The following XKRX variants were observed in gnomAD, a reference collection of about 807,000 sequenced individuals.
XKRX encodes the protein XK related X-linked.
XKRX carries 11 observed loss-of-function variants against 22.4 expected under a neutral mutation model. The ratio of observed to expected loss-of-function variants is 0.49; its 90% CI spans 0.31 to 0.81. The LOEUF (loss-of-function observed/expected upper bound fraction) is 0.81, where lower values mean the gene tolerates loss of function less well. Among genes scored for constraint, XKRX ranks in the 40% least tolerant of loss-of-function variants. XKRX has a pLI of 0.05. For synonymous variants in XKRX, 114 were observed against 132.2 expected (o/e 0.86, Z 0.94); for missense variants, 320 against 336.5 (o/e 0.95, Z 0.38).
chrX:100,929,779 G>C (rs1301332410), upstream of XKRX, among the ~76,000 whole-genome samples: 1 of 111,690 alleles, frequency 9.0e-6, no homozygotes, highest in Non-Finnish European at 1.9e-5. Flanking sequence ...GTCTTTGGTT[G>C]AAAGGTTATG....
intron 1 of XKRX, among the ~76,000 whole-genome samples, chrX:100,924,384 T>C (rs903948017): frequency 8.9e-6 from 1 of 111,807 alleles, no homozygotes; most frequent in African/African-American, 3.2e-5. Context: ...CCTTTTAAAC[T>C]GGATTCTTTC....
In XKRX at chrX:100,914,172, A is replaced by G. The variant is rs767757889; in HGVS notation, c.*166T>C. The G allele has an allele frequency of 1.7e-6, 1 of 592,533 alleles. No homozygotes were observed. The highest frequency in any genetic ancestry group is 2.3e-5 in the African/African-American group (1 of 44,221). The allele number at this position is 592,533 out of a possible 1,213,427, so 48.8% of individuals were successfully genotyped here. On this transcript the variant is annotated 3_prime_UTR_variant, in exon 3 of 3. Transcript: ENST00000372956. ...TTTCCAAACATAGTGGTAACTCTTA[A>G]GAAAATAAAACCTATTTGGGAGTTG...
chrX:100,887,929 TGAC>T, the XKRX span: 38 of 1,121,993 alleles, frequency 3.4e-5, no homozygotes, highest in Non-Finnish European at 4.4e-5. Context: ...CCACGACCAC[TGAC>T]GTTTCCTCCA....
chrX:100,942,703 C>A, the XKRX span, among the ~76,000 whole-genome samples: 1 of 111,643 alleles, frequency 9.0e-6, no homozygotes, highest in African/African-American at 3.3e-5. Context: ...CTGGGTTTAT[C>A]TCTGTGTCCA....
chrX:100,926,241 G>A (rs753582247), intron 1 of XKRX, among the ~76,000 whole-genome samples: 2 of 111,654 alleles, frequency 1.8e-5, no homozygotes, highest in Non-Finnish European at 1.9e-5. Context: ...TACAGATGAG[G>A]GAACTCTATA....
At chrX:100,887,732 T>G in the XKRX span, 1 of 722,787 alleles carries the variant, frequency 1.4e-6, no homozygotes, top group Non-Finnish European at 2.2e-6. Context: ...TCCGCCACCA[T>G]AGGGGCCAGA....
At chrX:100,891,164 A>G in the XKRX span, among the ~76,000 whole-genome samples, 2 of 111,601 alleles carry the variant, frequency 1.8e-5, no homozygotes, top group African/African-American at 6.5e-5. Context: ...TATGCTCATC[A>G]CTATTTAAAA....
intron 2 of XKRX, among the ~76,000 whole-genome samples, chrX:100,917,678 G>GAAAGAAAGAAAGAAAGA (rs2085449092): frequency 8.6e-5 from 6 of 69,576 alleles, no homozygotes; most frequent in African/African-American, 3.6e-4. Context: ...AGAAAGAAAA[G>GAAAGAAAGAAAGAAAGA]AAAGAAAGAA....
At chrX:100,888,591 C>T in the XKRX span, 1,213 of 464,306 alleles carry the variant, frequency 2.6e-3, 14 homozygotes, top group African/African-American at 0.026. Flanking sequence ...GACTTAGACA[C>T]GACGGAAGGG....
chrX:100,928,762 C>G lies in XKRX; in HGVS notation c.-458G>C. The G allele has an allele frequency of 1.3e-6, 1 of 760,308 alleles. No individual in the cohort carries two copies. The highest frequency in any genetic ancestry group is 1.6e-6 in the Non-Finnish European group (1 of 643,629). 62.7% of individuals were successfully genotyped at this position (760,308 alleles called of 1,213,427 possible). ...TCACAAAGAGTCCTGACCAGTGTGTCCTCTCAAGTCAGCGGAGAGCTGAGC... is the reference window on the plus strand; with the variant it reads ...TCACAAAGAGTCCTGACCAGTGTGTGCTCTCAAGTCAGCGGAGAGCTGAGC... On this transcript the variant is annotated 5_prime_UTR_variant, in exon 1 of 3. Transcript: ENST00000372956.
At chrX:100,948,353 C>G in the XKRX span, among the ~76,000 whole-genome samples, 7 of 111,643 alleles carry the variant, frequency 6.3e-5, no homozygotes, top group Non-Finnish European at 5.6e-5. Context: ...TCTCACTACT[C>G]CTCCCTCTTA....
the XKRX span, among the ~76,000 whole-genome samples, chrX:100,944,560 A>G: frequency 1.9e-4 from 21 of 111,600 alleles, 1 homozygote; most frequent in East Asian, 3.4e-3. Flanking sequence ...ATGGGGTTTC[A>G]CCATGTTGGC....
chrX:100,937,068 C>T, the XKRX span, among the ~76,000 whole-genome samples: 1 of 108,138 alleles, frequency 9.2e-6, no homozygotes, highest in African/African-American at 3.4e-5. Context: ...CTCTGCTCAC[C>T]GCAGCCTCTG....
chrX:100,897,640 T>TGTGTGTGTG, the XKRX span, among the ~76,000 whole-genome samples: 2 of 88,113 alleles, frequency 2.3e-5, no homozygotes, highest in Admixed American at 1.3e-4. Flanking sequence ...TGTGTGTGTG[T>TGTGTGTGTG]TTCCTAGTTC....
At chrX:100,921,073 T>C (rs920709253) in intron 2 of XKRX, among the ~76,000 whole-genome samples, 2 of 112,022 alleles carry the variant, frequency 1.8e-5, no homozygotes, top group African/African-American at 6.5e-5. Context: ...GGCTAATTTT[T>C]GTATTTTTAG....
At chrX:100,949,378 TTGA>T in the XKRX span, among the ~76,000 whole-genome samples, 15 of 95,496 alleles carry the variant, frequency 1.6e-4, no homozygotes, top group African/African-American at 4.9e-4. Flanking sequence ...TTTTTTTTTT[TTGA>T]GAGAGACGGA....
At chrX:100,902,836 C>T in the XKRX span, among the ~76,000 whole-genome samples, 541 of 109,038 alleles carry the variant, frequency 5.0e-3, 6 homozygotes, top group African/African-American at 0.017. Context: ...CTGCAAGCTC[C>T]GCCTCCAGGG....
the XKRX span, among the ~76,000 whole-genome samples, chrX:100,947,932 T>C: frequency 9.2e-6 from 1 of 108,994 alleles, no homozygotes; most frequent in Non-Finnish European, 1.9e-5. Flanking sequence ...AGACAGGGTC[T>C]GGCTCTTTTG....
the XKRX span, among the ~76,000 whole-genome samples, chrX:100,890,473 A>G: frequency 9.2e-6 from 1 of 109,285 alleles, no homozygotes; most frequent in Non-Finnish European, 1.9e-5. Flanking sequence ...TTACTTTTGC[A>G]CCAACCTAAT....
Sources: gnomAD v4.1 joint callset for allele counts (sites outside exome capture counted in the v4.1 genomes callset) on GRCh38, gnomAD v4.1.1 for gene constraint, MANE v1.5 for transcripts, NCBI Gene and HGNC (gene_info 2026-07-23, HGNC 2026-07-21) for gene names.